Variants in LARP6 observed in about 807,000 individuals in gnomAD.
LARP6 encodes la-related protein 6.
LARP6 carries 18 observed loss-of-function variants against 32.8 expected under a neutral mutation model. The ratio of observed to expected loss-of-function variants is 0.55; its 90% confidence interval spans 0.38 to 0.81. The LOEUF is 0.81. Ranked by LOEUF, LARP6 falls within the 40% of genes least tolerant of loss-of-function variation. LARP6 has a pLI of 0.00. For synonymous variants in LARP6, 289 were observed against 267.2 expected (o/e 1.08, Z -0.80); for missense variants, 598 against 663.1 (o/e 0.90, Z 1.08).
At position 70,831,905 on chromosome 15, in the gene LARP6, A is replaced by G. The variant is rs943643666; in HGVS notation, c.*147T>C. 1.8e-6 allele frequency: 1 copy of G among 549,270 alleles called. No individual in the cohort carries two copies. The highest frequency in any genetic ancestry group is 1.9e-5 in the African/African-American group (1 of 51,628). The allele number at this position is 549,270 out of a possible 1,614,324, so 34.0% of individuals were successfully genotyped here. ...CAAACCATGGCGTACCGATTTATGT[A>G]TATTACAGATAGATAAATTAAGAGG... is the stretch of plus-strand genomic sequence containing the variant. On this transcript the variant is annotated 3_prime_UTR_variant, in exon 3 of 3. Transcript: ENST00000299213.
At chr15:70,847,002 C>A (rs2032359656) in intron 1 of LARP6, among the ~76,000 whole-genome samples, 1 of 152,202 alleles carries the variant, frequency 6.6e-6, no homozygotes, top group Non-Finnish European at 1.5e-5. Context: ...TTATTAGCAG[C>A]CCGAACACTG....
intron 1 of LARP6, among the ~76,000 whole-genome samples, chr15:70,844,989 C>T (rs1047006506): frequency 1.2e-4 from 19 of 152,100 alleles, no homozygotes; most frequent in African/African-American, 4.6e-4. Flanking sequence ...TTCATTTTTT[C>T]TTTATTAAAG....
chr15:70,834,466 G>A (rs2032111331), intron 2 of LARP6, among the ~76,000 whole-genome samples: 1 of 152,248 alleles, frequency 6.6e-6, no homozygotes, highest in South Asian at 2.1e-4. Flanking sequence ...TCACTGTGGG[G>A]TGAAACATGG....
chr15:70,840,655 G>C (rs929531245), intron 1 of LARP6, among the ~76,000 whole-genome samples: 3 of 152,172 alleles, frequency 2.0e-5, no homozygotes, highest in South Asian at 4.1e-4. Flanking sequence ...TAAATCACAG[G>C]GGATGGGGCC....
chr15:70,831,989 T>C lies in LARP6; in HGVS notation c.*63A>G, dbSNP rs2032048664. On this transcript the variant is annotated 3_prime_UTR_variant, in exon 3 of 3. Coordinates refer to ENST00000299213, the MANE Select transcript of LARP6 (RefSeq NM_018357.4). ...GAATTCCATTCTGTCATGCCAGGTG[T>C]TTGTCAGAACCTTGAAAACGAAGGT... 1 of 1,171,356 alleles carries C rather than the reference T, an allele frequency of 8.5e-7. No individual in the cohort carries two copies. Among genetic ancestry groups the C allele is most frequent in the Non-Finnish European group, 1.2e-6 (1 of 844,604 alleles). 72.6% of individuals were successfully genotyped at this position (1,171,356 alleles called of 1,614,324 possible).
chr15:70,848,662 G>T (rs1160194088), intron 1 of LARP6, among the ~76,000 whole-genome samples: 2 of 152,062 alleles, frequency 1.3e-5, no homozygotes, highest in Non-Finnish European at 2.9e-5. Flanking sequence ...AACCTGGGAG[G>T]CGGAGGTTGC....
intron 2 of LARP6, among the ~76,000 whole-genome samples, chr15:70,834,960 AC>A (rs1264503578): frequency 5.3e-5 from 8 of 152,250 alleles, no homozygotes; most frequent in Non-Finnish European, 2.9e-5. Flanking sequence ...CCAGGTTTCA[AC>A]AGAGAAGAAC....
chr15:70,847,665 T>C (rs2032372684), intron 1 of LARP6, among the ~76,000 whole-genome samples: 1 of 152,050 alleles, frequency 6.6e-6, no homozygotes, highest in African/African-American at 2.4e-5. Context: ...TATTTGTAAA[T>C]GATTTAGAGA....
chr15:70,830,071 C>T lies in LARP6; in HGVS notation c.*1981G>A, dbSNP rs930630940. 6 of 152,368 alleles carry T rather than the reference C, an allele frequency of 3.9e-5. No individual in the cohort carries two copies. Among genetic ancestry groups the T allele is most frequent in the African/African-American group, 1.4e-4 (6 of 41,442 alleles). 9.4% of individuals were successfully genotyped at this position (152,368 alleles called of 1,614,324 possible). On this transcript the variant is annotated 3_prime_UTR_variant, in exon 3 of 3. Coordinates refer to ENST00000299213, the MANE Select transcript of LARP6 (RefSeq NM_018357.4). ...AGGGCGGGGCTGGAGGGGGCCCTGA[C>T]ATTGCCCAAGGTCAGGAGTCCTGGT...
intron 1 of LARP6, among the ~76,000 whole-genome samples, chr15:70,840,639 T>C (rs1038144768): frequency 6.6e-6 from 1 of 152,132 alleles, no homozygotes; most frequent in Admixed American, 6.5e-5. Context: ...CTAACAAAGA[T>C]GTCAGTAAAT....
chr15:70,833,249 C>T lies in LARP6; in HGVS notation c.412-133G>A, dbSNP rs116079675. On this transcript the variant is annotated intron_variant, in intron 2 of 2. Transcript: ENST00000299213. Reference sequence around the variant, plus strand: ...CTGTATTCTAGTGTCTAGAATCATACGTGGTATGTGTAAACACTCAAAAAT... The same window carrying T: ...CTGTATTCTAGTGTCTAGAATCATATGTGGTATGTGTAAACACTCAAAAAT... 3,394 of 697,982 alleles carry T rather than the reference C, an allele frequency of 4.9e-3. 83 individuals carry two copies. In the African/African-American group the frequency reaches 0.053, roughly 11 times the overall value. 43.2% of individuals were successfully genotyped at this position (697,982 alleles called of 1,614,324 possible).
chr15:70,841,684 C>T (rs1022382089), intron 1 of LARP6, among the ~76,000 whole-genome samples: 1 of 151,968 alleles, frequency 6.6e-6, no homozygotes, highest in African/African-American at 2.4e-5. Context: ...CCCTCCCACC[C>T]CCACCATCAC....
At position 70,854,098 on chromosome 15, in the gene LARP6, G is replaced by A. The variant is rs1436772718; in HGVS notation, c.-10C>T. 4 of 1,265,450 alleles carry A rather than the reference G, an allele frequency of 3.2e-6. No homozygotes were observed. In the African/African-American group the frequency reaches 4.7e-5, roughly 15 times the overall value. 78.4% of individuals were successfully genotyped at this position (1,265,450 alleles called of 1,614,324 possible). ...CGCCGGACTGGGCCATGGCTCGCGG[G>A]ACTGCGGCGCCGCCGGGGTCCTCAC... On this transcript the variant is annotated 5_prime_UTR_variant, in exon 1 of 3. Coordinates refer to ENST00000299213, the MANE Select transcript of LARP6 (RefSeq NM_018357.4).
chr15:70,841,912 G>C (rs2032265801), intron 1 of LARP6, among the ~76,000 whole-genome samples: 1 of 152,044 alleles, frequency 6.6e-6, no homozygotes, highest in African/African-American at 2.4e-5. Flanking sequence ...GCCTCACACA[G>C]TCTTCTTGCC....
chr15:70,834,560 G>A (rs2032113193), intron 2 of LARP6, among the ~76,000 whole-genome samples: 1 of 152,228 alleles, frequency 6.6e-6, no homozygotes, highest in African/African-American at 2.4e-5. Context: ...CTTGAGCTAG[G>A]AGCACCTGGG....
intron 2 of LARP6, among the ~76,000 whole-genome samples, chr15:70,835,040 G>A (rs1392187077): frequency 1.3e-5 from 2 of 152,190 alleles, no homozygotes; most frequent in Non-Finnish European, 2.9e-5. Context: ...TGGGGTCCCT[G>A]GGGAGGAATA....
In LARP6 at chr15:70,832,616, T is replaced by C. The variant is rs761418208; in HGVS notation, c.912A>G (p.Lys304=). The C allele has an allele frequency of 1.1e-5, 17 of 1,607,302 alleles. No homozygotes were observed. Among genetic ancestry groups the C allele is most frequent in the Admixed American group, 1.7e-5 (1 of 58,104 alleles). Residue 304 remains lysine (K), a synonymous_variant, in exon 3 of 3, where the codon AAA becomes AAG. Coordinates refer to ENST00000299213, the MANE Select transcript of LARP6 (RefSeq NM_018357.4). ...KPPKKKPAKD[K]NHDEEPTASI... ...TCGCAGTGGGCTCCTCGTCATGATT[T>C]TTGTCTTTGGCAGGTTTCTTTTTGG...
At position 70,833,039 on chromosome 15, in the gene LARP6, G is replaced by T. The variant is rs2032084584; in HGVS notation, c.489C>A (p.Asp163Glu). 6.2e-7 allele frequency: 1 copy of T among 1,613,990 alleles called. No individual in the cohort carries two copies. The highest frequency in any genetic ancestry group is 1.3e-5 in the African/African-American group (1 of 74,912). ...KYSVVLELNE[D>E]HRKVRRTTPV... is the part of the protein sequence containing the mutation. ...GGGTGGTCCTCCTCACCTTCCGGTG[G>T]TCCTCATTCAACTCAAGGACCACTG... Residue 163 changes from aspartate to glutamate, a missense_variant, in exon 3 of 3, where the codon GAC becomes GAA. Physicochemically the swap from Asp to Glu is conservative, Grantham distance 45. Transcript: ENST00000299213.
rs1424629272 is a variant in LARP6 at position 70,854,113 on chromosome 15, G to A, written c.-25C>T. 7.3e-6 allele frequency: 9 copies of A among 1,239,718 alleles called. No individual in the cohort carries two copies. Among genetic ancestry groups the A allele is most frequent in the Admixed American group, 4.2e-5 (1 of 23,944 alleles). The allele number at this position is 1,239,718 out of a possible 1,614,324, so 76.8% of individuals were successfully genotyped here. On this transcript the variant is annotated 5_prime_UTR_variant, in exon 1 of 3. Coordinates refer to ENST00000299213, the MANE Select transcript of LARP6 (RefSeq NM_018357.4). ...TGGCTCGCGGGACTGCGGCGCCGCCGGGGTCCTCACGCCGCAAGGCCCAGC... is the reference window on the plus strand; with the variant it reads ...TGGCTCGCGGGACTGCGGCGCCGCCAGGGTCCTCACGCCGCAAGGCCCAGC...
Sources: allele counts gnomAD v4.1 joint callset (sites outside exome capture counted in the v4.1 genomes callset), GRCh38; gene constraint gnomAD v4.1.1; transcripts MANE v1.5; gene names NCBI Gene and HGNC (gene_info 2026-07-23, HGNC 2026-07-21).